Variants in WRNIP1 observed in about 807,000 individuals in gnomAD.
The protein encoded by WRNIP1 is WRN helicase interacting protein 1, also known as ATPase WRNIP1.
Under a neutral mutation model 56.1 loss-of-function variants are expected in WRNIP1, and 41 were observed. The observed-to-expected ratio is 0.73, with a 90% CI of 0.57 to 0.95. WRNIP1 has a LOEUF of 0.95. WRNIP1 is among the 40% of genes least tolerant of loss of function. The probability of loss-of-function intolerance (pLI) is 0.00; values close to 1 mark genes in which losing one functional copy is unlikely to be tolerated. For synonymous variants in WRNIP1, 547 were observed against 398.1 expected, an observed-to-expected ratio of 1.37 and a Z score of -4.45; for missense variants, 1,170 against 939.4, an observed-to-expected ratio of 1.25 and a Z score of -3.21.
intron 2 of WRNIP1, 22 bp downstream of exon 2, chr6:2,768,904 T>C: frequency 1.9e-6 from 3 of 1,586,632 alleles, no homozygotes; most frequent in Non-Finnish European, 2.6e-6. Context: ...TCCTTCTACC[T>C]TTTGGTCGTT....
At chr6:2,777,522 A>G (rs886875880) in intron 3 of WRNIP1, among the ~76,000 whole-genome samples, 1 of 152,176 alleles carries the variant, frequency 6.6e-6, no homozygotes, top group African/African-American at 2.4e-5. Flanking sequence ...GTTCTGAGGC[A>G]GAAATGAGAT....
intron 3 of WRNIP1, among the ~76,000 whole-genome samples, chr6:2,779,005 A>C (rs1765496271): frequency 1.3e-5 from 2 of 152,206 alleles, no homozygotes; most frequent in African/African-American, 2.4e-5. Flanking sequence ...TCTGTTTCAC[A>C]CAGACTTAGA....
intron 1 of WRNIP1, among the ~76,000 whole-genome samples, chr6:2,768,314 G>A (rs1183162772): frequency 4.6e-5 from 7 of 152,072 alleles, no homozygotes; most frequent in Admixed American, 1.3e-4. Flanking sequence ...GTGCTGTCTC[G>A]GCTAGAGGAG....
intron 4 of WRNIP1, among the ~76,000 whole-genome samples, chr6:2,782,052 AC>A (rs1344270235): frequency 6.6e-6 from 1 of 152,190 alleles, no homozygotes; most frequent in Admixed American, 6.5e-5. Context: ...TTTAAATTTG[AC>A]ATAAAGTGGT....
Position 2,770,289 on chromosome 6 carries a change from C to A in WRNIP1, c.1184C>A (p.Ser395Tyr). 1.2e-6 allele frequency: 2 copies of A among 1,614,174 alleles called. No individual in the cohort carries two copies. The highest frequency in any genetic ancestry group is 1.1e-5 in the South Asian group (1 of 91,076). ...ACTATTTTAATGCGAGCGATCAACT[C>A]CCTGGGAATCCACGTCCTAGACTCT... ...MVTILMRAIN[S>Y]LGIHVLDSSR... The change falls in exon 3 of 7, where the codon TCC becomes TAC. Residue 395 changes from serine (S) to tyrosine (Y), a missense_variant. By Grantham distance (144) the Ser-to-Tyr change is moderately radical. Coordinates refer to ENST00000380773, the MANE Select transcript of WRNIP1 (RefSeq NM_020135.3).
intron 5 of WRNIP1, among the ~76,000 whole-genome samples, 179 bp from the exon 6 acceptor site, chr6:2,784,145 A>G (rs908934406): frequency 1.3e-5 from 2 of 152,190 alleles, no homozygotes; most frequent in African/African-American, 2.4e-5. Context: ...AACCACTCTC[A>G]ATATTTCTTG....
At chr6:2,781,752 A>G (rs1765566133) in intron 4 of WRNIP1, among the ~76,000 whole-genome samples, 2 of 152,390 alleles carry the variant, frequency 1.3e-5, no homozygotes, top group East Asian at 3.9e-4. Context: ...GTAGCATAGA[A>G]TAATACTAGT....
Position 2,779,505 on chromosome 6 carries a change from C to G in WRNIP1, c.1486+13C>G. On this transcript the variant is annotated intron_variant, in intron 4 of 6. Transcript: ENST00000380773. ...TATGACCGGGCAGGTAAGTAATTCA[C>G]CTGTGGAAAGAGTGAAACCATACGG... is the stretch of plus-strand genomic sequence containing the variant. The G allele has an allele frequency of 6.2e-7, 1 of 1,608,364 alleles. No homozygotes were observed. The highest frequency in any genetic ancestry group is 1.1e-5 in the South Asian group (1 of 90,412).
At chr6:2,767,450 A>G (rs1765068112) in intron 1 of WRNIP1, among the ~76,000 whole-genome samples, 1 of 152,166 alleles carries the variant, frequency 6.6e-6, no homozygotes. Flanking sequence ...TATCTCCCAC[A>G]ACTTAAGCAC....
rs1337215918 is a variant in WRNIP1, at chr6:2,766,056, C to T, written c.434C>T (p.Ala145Val). 2.3e-6 allele frequency: 3 copies of T among 1,294,028 alleles called. No homozygotes were observed. Among genetic ancestry groups the T allele is most frequent in the Admixed American group, 4.2e-5 (1 of 23,800 alleles). The allele number at this position is 1,294,028 out of a possible 1,614,324, so 80.2% of individuals were successfully genotyped here. Reference protein sequence around the residue: ...GRKGSGKRPAAAAAAGSASPR... With the variant: ...GRKGSGKRPAVAAAAGSASPR... Reference sequence around the variant, plus strand: ...AAGGGGTCGGGGAAGAGGCCGGCGGCCGCCGCCGCGGCGGGGAGCGCGTCT... The same window carrying T: ...AAGGGGTCGGGGAAGAGGCCGGCGGTCGCCGCCGCGGCGGGGAGCGCGTCT... Residue 145 changes from alanine to valine, a missense_variant, in exon 1 of 7, where the codon GCC becomes GTC. Coordinates refer to ENST00000380773, the MANE Select transcript of WRNIP1 (RefSeq NM_020135.3).
chr6:2,783,300 G>A, intron 4 of WRNIP1, 106 bp from the exon 5 acceptor site: 1 of 1,275,660 alleles, frequency 7.8e-7, no homozygotes. Context: ...GGCTTTCTCA[G>A]GGCCTTTATT....
chr6:2,783,515 A>T lies in WRNIP1; in HGVS notation c.1596A>T (p.Pro532=). Residue 532 remains proline (P), a synonymous_variant, in exon 5 of 7, where the codon CCA becomes CCT. Coordinates refer to ENST00000380773, the MANE Select transcript of WRNIP1 (RefSeq NM_020135.3). The part of the protein sequence containing the change: ...LARMLEGGED[P]LYVARRLVRF... The stretch of plus-strand genomic sequence containing the variant: ...GCATGCTCGAGGGAGGAGAGGACCC[A>T]CTCTACGTGGCACGGAGGCTTGTCA... The T allele has an allele frequency of 6.2e-7, 1 of 1,612,370 alleles. No individual in the cohort carries two copies. Among genetic ancestry groups the T allele is most frequent in the Non-Finnish European group, 8.5e-7 (1 of 1,179,698 alleles).
At chr6:2,784,850 G>C (rs1037639009) in intron 6 of WRNIP1, among the ~76,000 whole-genome samples, 157 bp from the exon 7 acceptor site, 4 of 152,080 alleles carry the variant, frequency 2.6e-5, no homozygotes, top group African/African-American at 9.7e-5. Context: ...TCTTCTGTCT[G>C]TCGTAGGTGG....
At position 2,765,461 on chromosome 6, in the gene WRNIP1, G is replaced by A. The variant is rs1764893388; in HGVS notation, c.-162G>A. On this transcript the variant is annotated 5_prime_UTR_variant, in exon 1 of 7. Coordinates refer to ENST00000380773, the MANE Select transcript of WRNIP1 (RefSeq NM_020135.3). ...GAGGGCGGGCGGACGCGGGAGCTGC[G>A]GACGTGAGGCATGAGCGGCGCCCTC... is the stretch of plus-strand genomic sequence containing the variant. 1.2e-6 allele frequency: 1 copy of A among 863,048 alleles called. No homozygotes were observed. The highest frequency in any genetic ancestry group is 1.8e-5 in the African/African-American group (1 of 56,226). The allele number at this position is 863,048 out of a possible 1,614,324, so 53.5% of individuals were successfully genotyped here.
At chr6:2,776,602 A>G (rs1177940519) in intron 3 of WRNIP1, among the ~76,000 whole-genome samples, 1 of 152,234 alleles carries the variant, frequency 6.6e-6, no homozygotes, top group Non-Finnish European at 1.5e-5. Context: ...CATAAAATAC[A>G]TAATCATTGC....
At position 2,765,557 on chromosome 6, in the gene WRNIP1, C is replaced by T. The variant is rs1037194997; in HGVS notation, c.-66C>T. 204 of 1,379,390 alleles carry T rather than the reference C, an allele frequency of 1.5e-4. No individual in the cohort carries two copies. Among genetic ancestry groups the T allele is most frequent in the African/African-American group, 1.5e-3 (96 of 65,708 alleles). 85.4% of individuals were successfully genotyped at this position (1,379,390 alleles called of 1,614,324 possible). On this transcript the variant is annotated 5_prime_UTR_variant, in exon 1 of 7. Coordinates refer to ENST00000380773, the MANE Select transcript of WRNIP1 (RefSeq NM_020135.3). Reference sequence around the variant, plus strand: ...CGGCGCGGGGCCTAGCGGAGGGCATCGAAGGCCTCCGCGTGCGCACGGGTT... The same window carrying T: ...CGGCGCGGGGCCTAGCGGAGGGCATTGAAGGCCTCCGCGTGCGCACGGGTT...
intron 4 of WRNIP1, among the ~76,000 whole-genome samples, chr6:2,781,776 G>A (rs950924127): frequency 8.5e-5 from 13 of 152,248 alleles, no homozygotes; most frequent in African/African-American, 2.7e-4. Context: ...TATCACTGAT[G>A]CAAAAGAATC....
chr6:2,770,436 C>CG lies in WRNIP1; in HGVS notation c.1256+78dup, dbSNP rs1348090862. On this transcript the variant is annotated intron_variant, in intron 3 of 6. Coordinates refer to ENST00000380773, the MANE Select transcript of WRNIP1 (RefSeq NM_020135.3). ...CTCCTGGCAGGGGGCCAGAAAGGGC[C>CG]GGGCGTCAGTGAGGAGAGGGTGGGG... 44 of 1,579,372 alleles carry CG rather than the reference C, an allele frequency of 2.8e-5. No individual in the cohort carries two copies. In the South Asian group the frequency reaches 4.0e-4, roughly 14 times the overall value.
chr6:2,773,492 A>T (rs1032246926), intron 3 of WRNIP1: 2 of 985,304 alleles, frequency 2.0e-6, no homozygotes, highest in African/African-American at 3.5e-5. Flanking sequence ...TGTCTACGCC[A>T]TAGTTGCTTT....
Sources: allele counts gnomAD v4.1 joint callset (sites outside exome capture counted in the v4.1 genomes callset), GRCh38; gene constraint gnomAD v4.1.1; transcripts MANE v1.5; gene names NCBI Gene and HGNC (gene_info 2026-07-23, HGNC 2026-07-21).